Variants in MILR1 observed in about 807,000 individuals in gnomAD.
MILR1 encodes the protein mast cell immunoglobulin like receptor 1, also known as allergin-1.
Under a neutral mutation model 18.5 loss-of-function variants are expected in MILR1, and 31 were observed. The observed-to-expected ratio is 1.68, with a 90% CI of 1.26 to 2.26. The LOEUF (loss-of-function observed/expected upper bound fraction) is 2.26. Among genes scored for constraint, MILR1 ranks in the 30% most tolerant of loss-of-function variants. The probability of loss-of-function intolerance (pLI) is 0.00; values close to 1 mark genes in which losing one functional copy is unlikely to be tolerated. For synonymous variants in MILR1, 85 were observed against 56.2 expected, an observed-to-expected ratio of 1.51 and a Z score of -2.30; for missense variants, 257 against 157.4, an observed-to-expected ratio of 1.63 and a Z score of -3.38.
Position 64,457,453 on chromosome 17 carries a change from C to A in MILR1, c.421C>A (p.Arg141=), listed in dbSNP as rs1041586824. Reference sequence around the variant, plus strand: ...TATGGTCATTCAAACAGAAACAGACCGACATATAACATTACATTGCCTCTC... The same window carrying A: ...TATGGTCATTCAAACAGAAACAGACAGACATATAACATTACATTGCCTCTC... ...NIMVIQTETD[R]HITLHCLSVN... Residue 141 remains arginine, a synonymous_variant, in exon 4 of 10, where the codon CGA becomes AGA. Coordinates refer to ENST00000619286, the MANE Select transcript of MILR1 (RefSeq NM_001085423.2). The A allele has an allele frequency of 4.2e-6, 2 of 475,210 alleles. No individual in the cohort carries two copies. The highest frequency in any genetic ancestry group is 7.7e-6 in the Non-Finnish European group (2 of 259,050). The allele number at this position is 475,210 out of a possible 1,614,324, so 29.4% of individuals were successfully genotyped here. A position where few individuals can be genotyped will look rare whatever the true frequency, so the allele number is the denominator to read the frequency against.
the MILR1 span, among the ~76,000 whole-genome samples, chr17:64,494,976 A>T: frequency 6.6e-6 from 1 of 151,158 alleles, no homozygotes; most frequent in Non-Finnish European, 1.5e-5. Flanking sequence ...GATAGAGACC[A>T]TCCTGGCTAA....
At chr17:64,490,716 GCACCTTATTCT>G in the MILR1 span, 1 of 1,101,010 alleles carries the variant, frequency 9.1e-7, no homozygotes, top group East Asian at 2.4e-5. Context: ...CACCACGTTT[GCACCTTATTCT>G]CAAATGGTTC....
the MILR1 span, chr17:64,491,034 T>C: frequency 8.4e-7 from 1 of 1,186,936 alleles, no homozygotes; most frequent in Admixed American, 1.7e-5. Context: ...CTCCCATAAT[T>C]ATCTGTAAGA....
chr17:64,482,845 T>C, the MILR1 span: 3 of 863,516 alleles, frequency 3.5e-6, no homozygotes, highest in Admixed American at 3.6e-5. Context: ...AGATCCAAAA[T>C]GGTCCTGGTC....
chr17:64,485,653 G>C, the MILR1 span: 7 of 1,146,100 alleles, frequency 6.1e-6, no homozygotes. Context: ...GTTAGAAACC[G>C]AGCACACTAA....
chr17:64,494,519 T>C, the MILR1 span, among the ~76,000 whole-genome samples: 50 of 152,294 alleles, frequency 3.3e-4, no homozygotes, highest in African/African-American at 1.2e-3. Context: ...TTCTAATGTA[T>C]CTTTCCTTCT....
Position 64,468,641 on chromosome 17 carries a change from G to T in MILR1, c.*360G>T. 8.9e-7 allele frequency: 1 copy of T among 1,125,838 alleles called. No individual in the cohort carries two copies. Among genetic ancestry groups the T allele is most frequent in the Non-Finnish European group, 1.1e-6 (1 of 913,004 alleles). The allele number at this position is 1,125,838 out of a possible 1,614,324, so 69.7% of individuals were successfully genotyped here. Reference sequence around the variant, plus strand: ...TCCAAGAATAAATTCATCCGAACATGCATCCTTCTCTGAGCCTTCTGACTC... The same window carrying T: ...TCCAAGAATAAATTCATCCGAACATTCATCCTTCTCTGAGCCTTCTGACTC... On this transcript the variant is annotated 3_prime_UTR_variant, in exon 10 of 10. Coordinates refer to ENST00000619286, the MANE Select transcript of MILR1 (RefSeq NM_001085423.2).
the MILR1 span, among the ~76,000 whole-genome samples, chr17:64,476,840 T>A: frequency 8.1e-5 from 12 of 147,908 alleles, 1 homozygote; most frequent in African/African-American, 3.1e-4. Flanking sequence ...AAATTAAAAT[T>A]AAAATAAAAA....
At chr17:64,475,785 C>G in the MILR1 span, among the ~76,000 whole-genome samples, 14 of 147,786 alleles carry the variant, frequency 9.5e-5, no homozygotes, top group Admixed American at 6.8e-4. Flanking sequence ...AAAAAAGAAA[C>G]AAACAGACAC....
chr17:64,472,465 C>CAAAAAAAAAAAAA (rs71158332), downstream of MILR1, among the ~76,000 whole-genome samples: 16 of 13,920 alleles, frequency 1.1e-3, no homozygotes, highest in African/African-American at 2.0e-3. Flanking sequence ...GACTCCATCT[C>CAAAAAAAAAAAAA]AAAAAAAAAA....
chr17:64,462,269 A>G lies in MILR1; in HGVS notation c.763+1337A>G, dbSNP rs1485188658. ...GGTCTCGAACACTTGGGCTCAAACA[A>G]TCCTCCCACCTCGGCCTCCCACAGT... On this transcript the variant is annotated intron_variant, in intron 5 of 9. Transcript: ENST00000619286. 3.3e-5 allele frequency among the ~76,000 whole-genome samples: 5 copies of G among 151,908 alleles called. No individual in the cohort carries two copies. In the East Asian group the frequency reaches 9.8e-4, roughly 30 times the overall value.
chr17:64,458,584 T>A (rs2037354745), intron 4 of MILR1, among the ~76,000 whole-genome samples: 1 of 151,580 alleles, frequency 6.6e-6, no homozygotes, highest in African/African-American at 2.4e-5. Context: ...TGATGATGGG[T>A]CCAGACTCCT....
chr17:64,471,939 G>A (rs1018782847), downstream of MILR1, among the ~76,000 whole-genome samples: 1 of 152,102 alleles, frequency 6.6e-6, no homozygotes, highest in Non-Finnish European at 1.5e-5. Context: ...GTAAAAACTT[G>A]AGAATCACAT....
the MILR1 span, chr17:64,496,636 G>A: frequency 1.2e-6 from 2 of 1,613,758 alleles, no homozygotes; most frequent in Non-Finnish European, 1.7e-6. Context: ...ACCATTCTGC[G>A]GCCAGGTTCT....
downstream of MILR1, chr17:64,468,755 G>A: frequency 2.3e-6 from 1 of 435,544 alleles, no homozygotes; most frequent in Non-Finnish European, 3.1e-6. Context: ...TCAGCCACAT[G>A]GGCACTTGTC....
intron 8 of MILR1, 31 bp downstream of exon 8, chr17:64,466,693 G>A (rs782520377): frequency 1.9e-6 from 3 of 1,557,632 alleles, no homozygotes; most frequent in Non-Finnish European, 2.6e-6. Context: ...AGAGGTACTG[G>A]TGAAATGAGA....
At chr17:64,496,611 C>T in the MILR1 span, 4 of 1,614,016 alleles carry the variant, frequency 2.5e-6, no homozygotes, top group South Asian at 3.3e-5. Context: ...TCCCTGAACA[C>T]CACCACCGAG....
In MILR1 at chr17:64,468,553, T is replaced by A; in HGVS notation, c.*272T>A. 1 of 1,072,192 alleles carries A rather than the reference T, an allele frequency of 9.3e-7. No individual in the cohort carries two copies. The highest frequency in any genetic ancestry group is 1.2e-6 in the Non-Finnish European group (1 of 850,540). The allele number at this position is 1,072,192 out of a possible 1,614,324, so 66.4% of individuals were successfully genotyped here. A position where few individuals can be genotyped will look rare whatever the true frequency, so the allele number is the denominator to read the frequency against. ...ATCTGCCTGCCTCGGCCTCCCAAAGTGCTGGAACTACAAGCCTGAGCCACC... is the reference window on the plus strand; with the variant it reads ...ATCTGCCTGCCTCGGCCTCCCAAAGAGCTGGAACTACAAGCCTGAGCCACC... On this transcript the variant is annotated 3_prime_UTR_variant, in exon 10 of 10. Transcript: ENST00000619286.
At chr17:64,460,094 C>T (rs1343727380) in intron 4 of MILR1, among the ~76,000 whole-genome samples, 9 of 149,724 alleles carry the variant, frequency 6.0e-5, no homozygotes, top group African/African-American at 2.2e-4. Flanking sequence ...GGCACGATCT[C>T]GGCTCATTGC....
Sources: allele counts gnomAD v4.1 joint callset (sites outside exome capture counted in the v4.1 genomes callset), GRCh38; gene constraint gnomAD v4.1.1; transcripts MANE v1.5; gene names NCBI Gene and HGNC (gene_info 2026-07-23, HGNC 2026-07-21).